Variants in CACNA1A observed in about 807,000 individuals in gnomAD.
The protein encoded by CACNA1A is voltage-dependent P/Q-type calcium channel subunit alpha-1A.
Under a neutral mutation model 262.4 loss-of-function variants are expected in CACNA1A, and 57 were observed. That is an observed-to-expected ratio of 0.22 (90% CI 0.18 to 0.27). The LOEUF (loss-of-function observed/expected upper bound fraction) is 0.27. Ranked by LOEUF, CACNA1A falls within the 10% of genes least tolerant of loss-of-function variation. The pLI is 1.00. For missense variants in CACNA1A, 2,526 were observed against 3,562.8 expected (o/e 0.71, Z 7.41); for synonymous variants, 1,431 against 1,419.3 (o/e 1.01, Z -0.18).
intron 3 of CACNA1A, among the ~76,000 whole-genome samples, chr19:13,417,725 A>G (rs961745403): frequency 2.0e-5 from 3 of 152,060 alleles, no homozygotes; most frequent in Admixed American, 1.3e-4. Context: ...CCCCATCTCT[A>G]CTAAAAATAC....
At position 13,427,453 on chromosome 19, in the gene CACNA1A, A is replaced by AAAATAAATAAATAAAT. The variant is rs58681300; in HGVS notation, c.539+25407_539+25422dup. Reference sequence around the variant, plus strand: ...GGCAAGAAGAGCGAAACTCCATCTCAAAATAAATAAATAAATAAATAAATA... The same window carrying AAAATAAATAAATAAAT: ...GGCAAGAAGAGCGAAACTCCATCTCAAAATAAATAAATAAATAAATAAATAAATAAATAAATAAATA... On this transcript the variant is annotated intron_variant, in intron 3 of 46. Coordinates refer to ENST00000360228, the MANE Select transcript of CACNA1A (RefSeq NM_001127222.2). Among the ~76,000 whole-genome samples, 885 of 136,236 alleles carry AAAATAAATAAATAAAT rather than the reference A, an allele frequency of 6.5e-3. 6 individuals are homozygous for AAAATAAATAAATAAAT. Among genetic ancestry groups the AAAATAAATAAATAAAT allele is most frequent in the East Asian group, 0.018 (85 of 4,752 alleles). 89.4% of individuals were successfully genotyped at this position (136,236 alleles called of 152,430 possible). A position where few individuals can be genotyped will look rare whatever the true frequency, so the allele number is the denominator to read the frequency against.
At chr19:13,473,373 A>G (rs1026161734) in intron 1 of CACNA1A, among the ~76,000 whole-genome samples, 21 of 152,232 alleles carry the variant, frequency 1.4e-4, no homozygotes, top group African/African-American at 5.1e-4. Flanking sequence ...AAGCCAATGT[A>G]TGCTAACAAC....
rs1020946120 is a variant in CACNA1A at position 13,247,571 on chromosome 19, G to A, written c.4867-2306C>T. Among the ~76,000 whole-genome samples, 102 of 151,874 alleles carry A rather than the reference G, an allele frequency of 6.7e-4. 1 individual carries two copies. Among genetic ancestry groups the A allele is most frequent in the Non-Finnish European group, 7.4e-4 (50 of 67,976 alleles). ...AAAAATCAGGCAGGCGTGGTGGTGCGCGCCTGTAGTCCCAGCTACTCCGGA... is the reference window on the plus strand; with the variant it reads ...AAAAATCAGGCAGGCGTGGTGGTGCACGCCTGTAGTCCCAGCTACTCCGGA... On this transcript the variant is annotated intron_variant, in intron 30 of 46. Transcript: ENST00000360228.
At position 13,497,503 on chromosome 19, in the gene CACNA1A, AAAAAAAAAAAAAAAAAAAATAT is replaced by A. The variant is rs1981699876; in HGVS notation, c.293+8407_293+8428del. Among the ~76,000 whole-genome samples, 6 of 38,800 alleles carry A rather than the reference AAAAAAAAAAAAAAAAAAAATAT, an allele frequency of 1.5e-4. 1 individual carries two copies. The highest frequency in any genetic ancestry group is 6.2e-4 in the African/African-American group (6 of 9,650). 25.5% of individuals were successfully genotyped at this position (38,800 alleles called of 152,430 possible). On this transcript the variant is annotated intron_variant, in intron 1 of 46. Transcript: ENST00000360228. ...AACTCCATCTCAAAAAAAAAAAAAA[AAAAAAAAAAAAAAAAAAAATAT>A]ATATATATATATATATATATATATA... is the stretch of plus-strand genomic sequence containing the variant.
intron 40 of CACNA1A, among the ~76,000 whole-genome samples, chr19:13,213,450 T>C (rs2054890396): frequency 6.6e-6 from 1 of 152,164 alleles, no homozygotes; most frequent in South Asian, 2.1e-4. Flanking sequence ...CCCACGACAC[T>C]TTCTTTCTCT....
intron 3 of CACNA1A, among the ~76,000 whole-genome samples, chr19:13,380,749 GTTTATTTATTTATTTATTTA>G (rs758031682): frequency 1.4e-4 from 11 of 80,968 alleles, no homozygotes; most frequent in African/African-American, 5.1e-4. Flanking sequence ...TTGTTTGTTT[GTTTATTTATTTATTTATTTA>G]TTTATTTATT....
At chr19:13,333,294 C>A (rs898787116) in intron 8 of CACNA1A, among the ~76,000 whole-genome samples, 1 of 152,144 alleles carries the variant, frequency 6.6e-6, no homozygotes, top group Admixed American at 6.5e-5. Flanking sequence ...TAGCTCAGGG[C>A]CTTTGCACTT....
At chr19:13,245,645 C>A (rs1312060612) in intron 30 of CACNA1A, 2 of 183,142 alleles carry the variant, frequency 1.1e-5, no homozygotes, top group Non-Finnish European at 2.2e-5. Flanking sequence ...GAAGGGTTAT[C>A]ACCCATTTTC....
chr19:13,231,990 A>G, intron 34 of CACNA1A, 130 bp from the exon 35 acceptor site: 1 of 761,840 alleles, frequency 1.3e-6, no homozygotes, highest in African/African-American at 1.8e-5. Flanking sequence ...CAGGTGGACC[A>G]CCTCCTTTTA....
Position 13,323,630 on chromosome 19 carries a change from TGTTGA to T in CACNA1A, c.1346-6314_1346-6310del, listed in dbSNP as rs565056389. Among the ~76,000 whole-genome samples, 800 of 152,322 alleles carry T rather than the reference TGTTGA, an allele frequency of 5.3e-3. 6 individuals carry two copies. The highest frequency in any genetic ancestry group is 8.5e-3 in the Non-Finnish European group (578 of 68,026). ...ATTTTTAATTGGGTTGTTTTCTTGC[TGTTGA>T]GTTGTTTGAGTTCCTTATATATTTT... is the stretch of plus-strand genomic sequence containing the variant. On this transcript the variant is annotated intron_variant, in intron 10 of 46. Transcript: ENST00000360228.
At chr19:13,265,737 A>G (rs2056846769) in intron 24 of CACNA1A, among the ~76,000 whole-genome samples, 1 of 152,164 alleles carries the variant, frequency 6.6e-6, no homozygotes, top group African/African-American at 2.4e-5. Flanking sequence ...AGGAAGCCTC[A>G]GGTAGATGCT....
rs2056603341 is a variant in CACNA1A at position 13,257,565 on chromosome 19, G to C, written c.4389-14C>G. The stretch of plus-strand genomic sequence containing the variant: ...TGCTTGAGGACCCTGCAAGGAATGG[G>C]GCAGGGAGAGGGAAGGGGCAGGAAG... On this transcript the variant is annotated splice_polypyrimidine_tract_variant and intron_variant, in intron 27 of 46. Transcript: ENST00000360228. 5 of 1,549,886 alleles carry C rather than the reference G, an allele frequency of 3.2e-6. No homozygotes were observed. In the East Asian group the frequency reaches 1.2e-4, roughly 37 times the overall value.
At chr19:13,311,538 A>G (rs564006188) in intron 12 of CACNA1A, among the ~76,000 whole-genome samples, 84 of 152,356 alleles carry the variant, frequency 5.5e-4, no homozygotes, top group African/African-American at 1.5e-3. Flanking sequence ...ACATTCAGTT[A>G]TTATAAATTA....
intron 35 of CACNA1A, among the ~76,000 whole-genome samples, chr19:13,230,910 A>G (rs1209813802): frequency 2.6e-5 from 4 of 152,016 alleles, no homozygotes; most frequent in Non-Finnish European, 5.9e-5. Context: ...ACCAACACCA[A>G]GAGAACCACT....
intron 3 of CACNA1A, chr19:13,451,474 C>T (rs1228140431): frequency 6.6e-6 from 1 of 152,266 alleles, no homozygotes; most frequent in African/African-American, 2.4e-5. Context: ...GCCATTGGTA[C>T]CAGATACTAA....
chr19:13,320,212 G>A (rs1407348481), intron 10 of CACNA1A, among the ~76,000 whole-genome samples: 2 of 150,622 alleles, frequency 1.3e-5, no homozygotes, highest in Non-Finnish European at 2.9e-5. Flanking sequence ...GGGACCTTGG[G>A]GGACAGGGGG....
Position 13,336,594 on chromosome 19 carries a change from G to GGAGGGAGA in CACNA1A, c.979-686_979-685insTCTCCCTC, listed in dbSNP as rs1555768095. Among the ~76,000 whole-genome samples, 104 of 65,504 alleles carry GGAGGGAGA rather than the reference G, an allele frequency of 1.6e-3. 1 individual carries two copies. Among genetic ancestry groups the GGAGGGAGA allele is most frequent in the African/African-American group, 4.9e-3 (96 of 19,538 alleles). The allele number at this position is 65,504 out of a possible 152,430, so 43.0% of individuals were successfully genotyped here. A position where few individuals can be genotyped will look rare whatever the true frequency, so the allele number is the denominator to read the frequency against. ...GAGAAAGAGAGACAGAGAGAGAGAG[G>GGAGGGAGA]GAGAGAGAGAGAGAGAGAGAGAGAG... On this transcript the variant is annotated intron_variant, in intron 6 of 46. Transcript: ENST00000360228.
At chr19:13,413,571 T>TAAAA (rs58314938) in intron 3 of CACNA1A, among the ~76,000 whole-genome samples, 7 of 71,874 alleles carry the variant, frequency 9.7e-5, no homozygotes, top group African/African-American at 3.9e-4. Context: ...GGTCCTGTCT[T>TAAAA]AAAAAAAAAA....
At chr19:13,440,256 G>A (rs72999611) in intron 3 of CACNA1A, among the ~76,000 whole-genome samples, 12,621 of 152,256 alleles carry the variant, frequency 0.083, 647 homozygotes, top group South Asian at 0.15. Flanking sequence ...GAGCCACTGC[G>A]CCTGGCCCTG....
Sources: gnomAD v4.1 joint callset for allele counts (sites outside exome capture counted in the v4.1 genomes callset) on GRCh38, gnomAD v4.1.1 for gene constraint, MANE v1.5 for transcripts, NCBI Gene and HGNC (gene_info 2026-07-23, HGNC 2026-07-21) for gene names.